Variants in EXT1 observed in about 807,000 individuals in gnomAD.
The protein encoded by EXT1 is exostosin glycosyltransferase 1, also known as exostosin-1.
A neutral mutation model predicts 82.5 loss-of-function variants in EXT1; 20 were observed. The ratio of observed to expected loss-of-function variants is 0.24; its 90% confidence interval spans 0.17 to 0.35. EXT1 has a LOEUF of 0.35. Ranked by LOEUF, EXT1 falls within the 10% of genes least tolerant of loss-of-function variation. The pLI is 1.00. For missense variants in EXT1, 757 were observed against 936.5 expected, an observed-to-expected ratio of 0.81 and a Z score of 2.50; for synonymous variants, 348 against 350.8, an observed-to-expected ratio of 0.99 and a Z score of 0.09.
At chr8:117,819,269 A>C (rs1461393630) in intron 6 of EXT1, among the ~76,000 whole-genome samples, 1 of 152,220 alleles carries the variant, frequency 6.6e-6, no homozygotes, top group Non-Finnish European at 1.5e-5. Context: ...AAAAGTTGAC[A>C]CTTCATGACA....
chr8:117,960,046 T>C (rs1478439956), intron 1 of EXT1, among the ~76,000 whole-genome samples: 3 of 152,166 alleles, frequency 2.0e-5, no homozygotes, highest in African/African-American at 4.8e-5. Context: ...ACCCATCTTT[T>C]GTAAAAATAC....
rs10098992 is a variant in EXT1, at chr8:117,819,617, C to T, written c.1536+59G>A. ...CCCGGGGGATAACAGGTAAGGAGGGCGGAGTCTCTGGTCTGGAGCTGGAGC... is the reference window on the plus strand; with the variant it reads ...CCCGGGGGATAACAGGTAAGGAGGGTGGAGTCTCTGGTCTGGAGCTGGAGC... On this transcript the variant is annotated intron_variant, in intron 6 of 10. Coordinates refer to ENST00000378204, the MANE Select transcript of EXT1 (RefSeq NM_000127.3). 3.3e-3 allele frequency: 4,669 copies of T among 1,432,928 alleles called. 157 individuals carry two copies. In the South Asian group the frequency reaches 0.049, roughly 15 times the overall value. The allele number at this position is 1,432,928 out of a possible 1,614,324, so 88.8% of individuals were successfully genotyped here. A position where few individuals can be genotyped will look rare whatever the true frequency, so the allele number is the denominator to read the frequency against.
chr8:118,036,139 G>A (rs1359912747), intron 1 of EXT1, among the ~76,000 whole-genome samples: 2 of 148,562 alleles, frequency 1.3e-5, no homozygotes, highest in African/African-American at 2.5e-5. Flanking sequence ...CTCACTCCTA[G>A]ATTCCACTTT....
At chr8:117,920,467 T>C (rs986488211) in intron 1 of EXT1, among the ~76,000 whole-genome samples, 1 of 152,146 alleles carries the variant, frequency 6.6e-6, no homozygotes, top group African/African-American at 2.4e-5. Context: ...TACCAATAAG[T>C]AAAACATTCC....
Position 117,837,140 on chromosome 8 carries a change from G to A in EXT1, c.1024C>T (p.Leu342Phe). 6.2e-7 allele frequency: 1 copy of A among 1,614,076 alleles called. No homozygotes were observed. The highest frequency in any genetic ancestry group is 8.5e-7 in the Non-Finnish European group (1 of 1,179,970). Residue 342 changes from leucine to phenylalanine, a missense_variant, in exon 2 of 11, where the codon CTT (leucine) becomes TTT (phenylalanine). By Grantham distance (22) the Leu-to-Phe change is conservative (BLOSUM62 0). Transcript: ENST00000378204. Reference sequence around the variant, plus strand: ...GCCTCCAGGAATCTGAAGGACCCAAGCCTGCGACCACGAGGAACCAGACAG... The same window carrying A: ...GCCTCCAGGAATCTGAAGGACCCAAACCTGCGACCACGAGGAACCAGACAG... Reference protein sequence around the residue: ...TFCLVPRGRRLGSFRFLEALQ... With the variant: ...TFCLVPRGRRFGSFRFLEALQ...
At chr8:118,090,466 G>A (rs1817502113) in intron 1 of EXT1, among the ~76,000 whole-genome samples, 1 of 151,696 alleles carries the variant, frequency 6.6e-6, no homozygotes, top group Admixed American at 6.6e-5. Flanking sequence ...GGAAGCTGAA[G>A]CCACTCTGTA....
chr8:118,044,107 A>G (rs1216356573), intron 1 of EXT1, among the ~76,000 whole-genome samples: 2 of 152,224 alleles, frequency 1.3e-5, no homozygotes, highest in African/African-American at 4.8e-5. Context: ...GGTTACGTAT[A>G]ACGCCGACTG....
chr8:118,030,664 T>G (rs1309979624), intron 1 of EXT1, among the ~76,000 whole-genome samples: 1 of 152,088 alleles, frequency 6.6e-6, no homozygotes, highest in Non-Finnish European at 1.5e-5. Flanking sequence ...TTGTACTTAG[T>G]AGAGATGGGG....
intron 1 of EXT1, among the ~76,000 whole-genome samples, chr8:118,003,369 AAACACC>A (rs1390739003): frequency 1.3e-5 from 2 of 150,966 alleles, no homozygotes; most frequent in African/African-American, 5.0e-5. Flanking sequence ...TCATGTAACC[AAACACC>A]ACCTGTTCCC....
intron 1 of EXT1, among the ~76,000 whole-genome samples, chr8:117,965,601 A>G (rs1739914555): frequency 6.6e-6 from 1 of 152,218 alleles, no homozygotes; most frequent in African/African-American, 2.4e-5. Flanking sequence ...GTTTTCTAAT[A>G]CATATGGAAT....
chr8:117,911,181 T>TTAAG lies in EXT1; in HGVS notation c.963-73984_963-73981dup, dbSNP rs60698840. Among the ~76,000 whole-genome samples the TTAAG allele has an allele frequency of 6.5e-3, 983 of 152,346 alleles. 8 individuals carry two copies. The highest frequency in any genetic ancestry group is 0.019 in the African/African-American group (799 of 41,588). On this transcript the variant is annotated intron_variant, in intron 1 of 10. Transcript: ENST00000378204. ...GCACACGGCAAGTTCTTTAGTGTTATTAAGTTCTTTGATAATTAAATTTCC... is the reference window on the plus strand; with the variant it reads ...GCACACGGCAAGTTCTTTAGTGTTATTAAGTAAGTTCTTTGATAATTAAATTTCC...
At chr8:117,807,045 A>G (rs1823248322) in intron 9 of EXT1, among the ~76,000 whole-genome samples, 172 bp downstream of exon 9, 1 of 152,238 alleles carries the variant, frequency 6.6e-6, no homozygotes, top group South Asian at 2.1e-4. Flanking sequence ...ACATGCCAAG[A>G]GGTTTCACTG....
chr8:118,026,175 C>T (rs1200183601), intron 1 of EXT1, among the ~76,000 whole-genome samples: 1 of 152,134 alleles, frequency 6.6e-6, no homozygotes, highest in Non-Finnish European at 1.5e-5. Context: ...TTCTTAGGAA[C>T]CACACGGCAC....
chr8:117,874,575 C>CAAAAAAAAATAAAAAAAAAAAA (rs1812933413), intron 1 of EXT1, among the ~76,000 whole-genome samples: 1 of 69,790 alleles, frequency 1.4e-5, no homozygotes, highest in Non-Finnish European at 2.9e-5. Context: ...GACTCTGCCT[C>CAAAAAAAAATAAAAAAAAAAAA]AAAAAAAAAA....
rs1394589858 is a variant in EXT1 at position 117,798,848 on chromosome 8, G to C, written c.*864C>G. On this transcript the variant is annotated 3_prime_UTR_variant, in exon 11 of 11. Transcript: ENST00000378204. Reference sequence around the variant, plus strand: ...CTCTTCCCAGTGCTACGCAGACTTAGGTCAATGGTTGAATCTATAACCGTG... The same window carrying C: ...CTCTTCCCAGTGCTACGCAGACTTACGTCAATGGTTGAATCTATAACCGTG... 2 of 152,212 alleles carry C rather than the reference G, an allele frequency of 1.3e-5. No homozygotes were observed. Among genetic ancestry groups the C allele is most frequent in the Non-Finnish European group, 2.9e-5 (2 of 68,050 alleles). The allele number at this position is 152,212 out of a possible 1,614,324, so 9.4% of individuals were successfully genotyped here. A position where few individuals can be genotyped will look rare whatever the true frequency, so the allele number is the denominator to read the frequency against.
At chr8:117,961,146 T>C (rs75583765) in intron 1 of EXT1, among the ~76,000 whole-genome samples, 2 of 70,746 alleles carry the variant, frequency 2.8e-5, no homozygotes, top group South Asian at 4.7e-4. Flanking sequence ...CCCTCCTTCC[T>C]TCCTTCCCTC....
intron 1 of EXT1, among the ~76,000 whole-genome samples, chr8:118,028,129 A>G (rs1204675701): frequency 1.3e-5 from 2 of 152,210 alleles, no homozygotes; most frequent in Non-Finnish European, 2.9e-5. Context: ...CCTTGTGTTG[A>G]GGATAACAAC....
chr8:117,956,971 G>GC (rs1265548496), intron 1 of EXT1, among the ~76,000 whole-genome samples: 2 of 152,146 alleles, frequency 1.3e-5, no homozygotes, highest in Non-Finnish European at 2.9e-5. Context: ...CCATGAAGTG[G>GC]CAAGTTTGAA....
chr8:117,898,487 C>T (rs1813383877), intron 1 of EXT1, among the ~76,000 whole-genome samples: 1 of 152,184 alleles, frequency 6.6e-6, no homozygotes, highest in Non-Finnish European at 1.5e-5. Flanking sequence ...GTCTGTGTAA[C>T]AGAATCATGG....
Sources: gnomAD v4.1 joint callset for allele counts (sites outside exome capture counted in the v4.1 genomes callset) on GRCh38, gnomAD v4.1.1 for gene constraint, MANE v1.5 for transcripts, NCBI Gene and HGNC (gene_info 2026-07-23, HGNC 2026-07-21) for gene names.